SCARB2: variants seen among roughly 807,000 people sequenced by gnomAD.
The protein encoded by SCARB2 is lysosome membrane protein 2.
In SCARB2, 29 loss-of-function variants were observed where a neutral mutation model predicts 58.6. The observed-to-expected ratio is 0.49, with a 90% CI of 0.37 to 0.67. SCARB2 has a LOEUF of 0.67. Ranked by LOEUF, SCARB2 falls within the 30% of genes least tolerant of loss-of-function variation. The pLI, the probability that SCARB2 is intolerant of heterozygous loss-of-function variation, is 0.00. For synonymous variants in SCARB2, 195 were observed against 210.1 expected, an observed-to-expected ratio of 0.93 and a Z score of 0.62; for missense variants, 488 against 578.5, an observed-to-expected ratio of 0.84 and a Z score of 1.60.
rs752973286 is a variant in SCARB2 at position 76,179,564 on chromosome 4, G to A, written c.565C>T (p.His189Tyr). The A allele has an allele frequency of 1.9e-6, 3 of 1,614,184 alleles. No homozygotes were observed. The highest frequency in any genetic ancestry group is 2.5e-6 in the Non-Finnish European group (3 of 1,180,004). ...GGAGAGATATCGGGCCTGAAAACAT[G>A]GATAAGGGACAAGATTTCATCTTTG... ...GYKDEILSLIHVFRPDISPYF... is the reference protein window; with the variant it reads ...GYKDEILSLIYVFRPDISPYF... Residue 189 changes from histidine to tyrosine, a missense_variant, in exon 4 of 12, where the codon CAT (histidine) becomes TAT (tyrosine). By Grantham distance (83) the His-to-Tyr change is moderately conservative. Transcript: ENST00000264896.
intron 1 of SCARB2, among the ~76,000 whole-genome samples, chr4:76,209,513 C>G (rs950462675): frequency 1.1e-4 from 17 of 152,260 alleles, no homozygotes; most frequent in Middle Eastern, 3.4e-3. Context: ...GGACTACAGG[C>G]ACCTGCCACC....
At chr4:76,186,482 G>A (rs1719840651) in intron 2 of SCARB2, among the ~76,000 whole-genome samples, 1 of 151,944 alleles carries the variant, frequency 6.6e-6, no homozygotes, top group Non-Finnish European at 1.5e-5. Flanking sequence ...AAAGGCACAG[G>A]CTGAGGAGCC....
At chr4:76,171,376 T>G (rs780669207) in intron 7 of SCARB2, among the ~76,000 whole-genome samples, 29 of 152,206 alleles carry the variant, frequency 1.9e-4, no homozygotes, top group African/African-American at 7.0e-4. Context: ...AACTGATGTC[T>G]GGAACCCTCC....
chr4:76,189,806 T>C (rs60744184), intron 2 of SCARB2, among the ~76,000 whole-genome samples: 4,448 of 152,066 alleles, frequency 0.029, 202 homozygotes, highest in African/African-American at 0.1. Context: ...TATAAAACCA[T>C]CAGATCTCGT....
upstream of SCARB2, chr4:76,217,727 TGAG>T (rs987567362): frequency 1.1e-5 from 6 of 527,556 alleles, no homozygotes; most frequent in African/African-American, 9.5e-5. Context: ...GGGCGGAAAA[TGAG>T]GAGACTGATG....
chr4:76,174,123 G>A (rs1296521786), intron 7 of SCARB2, 21 bp downstream of exon 7: 75 of 1,612,700 alleles, frequency 4.7e-5, no homozygotes, highest in Non-Finnish European at 6.2e-5. Context: ...CCCCTATCAT[G>A]TCCCCTCTCT....
chr4:76,225,236 C>T (rs572732563), intron 1 of SCARB2, among the ~76,000 whole-genome samples: 1 of 152,308 alleles, frequency 6.6e-6, no homozygotes, highest in Admixed American at 6.5e-5. Flanking sequence ...GTGTATTGTG[C>T]TGCTATAAAG....
At position 76,213,570 on chromosome 4, in the gene SCARB2, G is replaced by T. The variant is rs553389773; in HGVS notation, c.-27C>A. ...CTGTGCGCCGCTCACGGGCCGGGCC[G>T]GGCCGCACCCGCCAGGGATCCAACT... On this transcript the variant is annotated 5_prime_UTR_variant, in exon 1 of 12. Coordinates refer to ENST00000264896, the MANE Select transcript of SCARB2 (RefSeq NM_005506.4). 1.3e-6 allele frequency: 2 copies of T among 1,582,800 alleles called. No individual in the cohort carries two copies. The highest frequency in any genetic ancestry group is 2.2e-5 in the South Asian group (2 of 89,238).
chr4:76,162,555 C>T (rs765310472), intron 11 of SCARB2: 16 of 153,792 alleles, frequency 1.0e-4, no homozygotes, highest in Non-Finnish European at 1.4e-4. Context: ...AGGAAAGTAA[C>T]TACACCCATG....
At chr4:76,172,781 C>T (rs1157849385) in intron 7 of SCARB2, 3 of 151,684 alleles carry the variant, frequency 2.0e-5, no homozygotes. Context: ...TCCTGAGTAG[C>T]TGGGTCTACA....
At chr4:76,195,610 A>G (rs1441051632) in intron 2 of SCARB2, 97 bp downstream of exon 2, 6 of 1,032,930 alleles carry the variant, frequency 5.8e-6, no homozygotes, top group Non-Finnish European at 9.1e-6. Context: ...GTGCTCCCAC[A>G]CAGCCCTGGA....
intron 1 of SCARB2, among the ~76,000 whole-genome samples, chr4:76,231,272 C>T (rs1177919291): frequency 6.6e-6 from 1 of 152,214 alleles, no homozygotes; most frequent in Non-Finnish European, 1.5e-5. Flanking sequence ...GCATCCTATT[C>T]ATTCCCATCA....
intron 1 of SCARB2, among the ~76,000 whole-genome samples, chr4:76,198,789 T>C (rs17001626): frequency 0.022 from 3,334 of 152,080 alleles, 135 homozygotes; most frequent in African/African-American, 0.076. Context: ...TGGATGTTTG[T>C]CAGGAAACCC....
chr4:76,189,200 T>G (rs186014617), intron 2 of SCARB2, among the ~76,000 whole-genome samples: 1 of 152,218 alleles, frequency 6.6e-6, no homozygotes, highest in Non-Finnish European at 1.5e-5. Context: ...TCCAGTACAT[T>G]GGGAAGAAAG....
rs1442085004 is a variant in SCARB2 at position 76,223,304 on chromosome 4, CCTT to C, written c.-358+10996_-358+10998del. On this transcript the variant is annotated intron_variant, in intron 1 of 11. Coordinates refer to the SCARB2 transcript ENST00000638295. The stretch of plus-strand genomic sequence containing the variant: ...AAGGCTTTGGGAGACAGAATTGTCT[CCTT>C]CTTGGTAGATTTCCAGTGAGTTTTG... 2.6e-5 allele frequency among the ~76,000 whole-genome samples: 4 copies of C among 152,146 alleles called. No individual in the cohort carries two copies. The East Asian group carries it at 7.7e-4, about 29-fold the overall frequency.
At chr4:76,211,751 G>A (rs556032236) in intron 1 of SCARB2, among the ~76,000 whole-genome samples, 1 of 152,270 alleles carries the variant, frequency 6.6e-6, no homozygotes, top group African/African-American at 2.4e-5. Flanking sequence ...ATAGCGATGT[G>A]TGACTTACCT....
At chr4:76,208,260 A>T (rs1186432195) in intron 1 of SCARB2, among the ~76,000 whole-genome samples, 1 of 152,254 alleles carries the variant, frequency 6.6e-6, no homozygotes, top group East Asian at 1.9e-4. Flanking sequence ...ATGCACTCAT[A>T]GTCAACATGA....
At chr4:76,177,152 A>C (rs1281545608) in intron 4 of SCARB2, 1 of 152,168 alleles carries the variant, frequency 6.6e-6, no homozygotes, top group Non-Finnish European at 1.5e-5. Flanking sequence ...CCATATTATT[A>C]TTTTATGGTT....
chr4:76,179,402 T>C (rs2109947022), intron 4 of SCARB2, 115 bp downstream of exon 4: 1 of 807,792 alleles, frequency 1.2e-6, no homozygotes, highest in Admixed American at 2.0e-5. Context: ...ACACACTCTA[T>C]AAGATAACTT....
Sources: allele counts gnomAD v4.1 joint callset (sites outside exome capture counted in the v4.1 genomes callset), GRCh38; gene constraint gnomAD v4.1.1; transcripts MANE v1.5; gene names NCBI Gene and HGNC (gene_info 2026-07-23, HGNC 2026-07-21).